COG5: variants seen among roughly 807,000 people sequenced by gnomAD.
COG5 encodes the protein conserved oligomeric Golgi complex subunit 5.
COG5 carries 86 observed loss-of-function variants against 110.4 expected under a neutral mutation model. That is an observed-to-expected ratio of 0.78 (90% CI 0.65 to 0.93). The LOEUF is 0.93. Ranked by LOEUF, COG5 falls within the 40% of genes least tolerant of loss-of-function variation. The probability of loss-of-function intolerance (pLI) is 0.00; values close to 1 mark genes in which losing one functional copy is unlikely to be tolerated. For missense variants in COG5, 1,077 were observed against 987.0 expected, an observed-to-expected ratio of 1.09 and a Z score of -1.22; for synonymous variants, 360 against 334.6, an observed-to-expected ratio of 1.08 and a Z score of -0.83.
At chr7:107,297,442 CCTT>C (rs1806847847) in intron 12 of COG5, among the ~76,000 whole-genome samples, 1 of 99,642 alleles carries the variant, frequency 1.0e-5, no homozygotes, top group African/African-American at 4.0e-5. Context: ...GTACATTCTG[CCTT>C]TTTTTTTTTT....
intron 10 of COG5, among the ~76,000 whole-genome samples, chr7:107,344,320 T>A (rs758081494): frequency 3.3e-5 from 5 of 152,204 alleles, no homozygotes; most frequent in Non-Finnish European, 5.9e-5. Context: ...GAGTAGCTTT[T>A]TTCCCTTAAA....
chr7:107,493,124 G>A (rs191223050), intron 6 of COG5, among the ~76,000 whole-genome samples: 99 of 152,206 alleles, frequency 6.5e-4, no homozygotes, highest in African/African-American at 2.3e-3. Flanking sequence ...TCTCACTTCT[G>A]CTCTTATCCC....
chr7:107,349,747 C>CG (rs200699607), intron 10 of COG5, among the ~76,000 whole-genome samples: 1,573 of 152,196 alleles, frequency 0.01, 13 homozygotes, highest in African/African-American at 0.036. Flanking sequence ...TCAGTAGACA[C>CG]GGGGGTTTCA....
intron 19 of COG5, among the ~76,000 whole-genome samples, chr7:107,228,340 T>C (rs936281135): frequency 2.7e-5 from 4 of 149,664 alleles, no homozygotes; most frequent in Non-Finnish European, 4.4e-5. Context: ...AATCTTCCTA[T>C]AGCAATGCTA....
In COG5 at chr7:107,323,816, C is replaced by A. The variant is rs1022194666; in HGVS notation, c.1108+624G>T. Among the ~76,000 whole-genome samples, 7 of 152,214 alleles carry A rather than the reference C, an allele frequency of 4.6e-5. 1 individual carries two copies. The South Asian group carries it at 1.4e-3, about 32-fold the overall frequency. Reference sequence around the variant, plus strand: ...TTTAAATAGAAATGAACTCTTAACACTTTTTAAAGGCCTAGGTACATTATA... The same window carrying A: ...TTTAAATAGAAATGAACTCTTAACAATTTTTAAAGGCCTAGGTACATTATA... On this transcript the variant is annotated intron_variant, in intron 11 of 21. Coordinates refer to ENST00000297135, the MANE Select transcript of COG5 (RefSeq NM_006348.5).
chr7:107,286,028 T>A (rs1805597934), intron 12 of COG5, among the ~76,000 whole-genome samples: 2 of 152,204 alleles, frequency 1.3e-5, no homozygotes, highest in South Asian at 4.1e-4. Flanking sequence ...TAAGTCTTTT[T>A]TCCTTTTCCA....
chr7:107,501,615 G>A (rs1468114922), intron 6 of COG5, among the ~76,000 whole-genome samples: 1 of 152,144 alleles, frequency 6.6e-6, no homozygotes, highest in Non-Finnish European at 1.5e-5. Context: ...AATGTGGTAT[G>A]AGTATTACCT....
chr7:107,467,644 A>G (rs1796378044), intron 6 of COG5, among the ~76,000 whole-genome samples: 1 of 152,086 alleles, frequency 6.6e-6, no homozygotes, highest in South Asian at 2.1e-4. Flanking sequence ...GAGCCACTGC[A>G]CCCGGTCTGT....
At chr7:107,357,301 T>C (rs1343222406) in intron 10 of COG5, among the ~76,000 whole-genome samples, 1 of 152,198 alleles carries the variant, frequency 6.6e-6, no homozygotes, top group Non-Finnish European at 1.5e-5. Context: ...TCTCTTGCTC[T>C]GGAATTCCCA....
At chr7:107,288,353 C>A (rs1805823508) in intron 12 of COG5, among the ~76,000 whole-genome samples, 2 of 152,202 alleles carry the variant, frequency 1.3e-5, no homozygotes, top group South Asian at 2.1e-4. Context: ...CAGAACGAGA[C>A]CCAGTTTCAA....
intron 10 of COG5, among the ~76,000 whole-genome samples, chr7:107,352,432 A>C (rs925900692): frequency 1.1e-4 from 17 of 151,522 alleles, no homozygotes; most frequent in Admixed American, 9.9e-4. Flanking sequence ...CACGTTGTGT[A>C]CATGTACCCT....
chr7:107,502,784 C>A (rs1798715996), intron 6 of COG5, among the ~76,000 whole-genome samples: 1 of 152,000 alleles, frequency 6.6e-6, no homozygotes, highest in African/African-American at 2.4e-5. Context: ...AACATTTTTT[C>A]ATATGTTTCT....
At chr7:107,486,453 T>C (rs972632015) in intron 6 of COG5, among the ~76,000 whole-genome samples, 3 of 151,498 alleles carry the variant, frequency 2.0e-5, no homozygotes, top group Admixed American at 1.3e-4. Context: ...ATTGCAGCAA[T>C]GTCTTCATAT....
chr7:107,514,814 A>G (rs1799803201), intron 6 of COG5, among the ~76,000 whole-genome samples: 1 of 152,212 alleles, frequency 6.6e-6, no homozygotes, highest in African/African-American at 2.4e-5. Context: ...AAGTTTTATG[A>G]TAAAAGAATG....
intron 2 of COG5, among the ~76,000 whole-genome samples, chr7:107,556,669 C>T (rs1463851918): frequency 6.6e-6 from 1 of 152,196 alleles, no homozygotes; most frequent in Non-Finnish European, 1.5e-5. Context: ...CTGTCTGTGT[C>T]TGCCACTGGT....
At chr7:107,417,006 A>G (rs1049437668) in intron 6 of COG5, among the ~76,000 whole-genome samples, 1 of 152,230 alleles carries the variant, frequency 6.6e-6, no homozygotes, top group African/African-American at 2.4e-5. Flanking sequence ...GCAATATCTC[A>G]GAAATTTATG....
At chr7:107,230,557 C>T (rs894956932) in intron 19 of COG5, 58 bp downstream of exon 19, 1 of 1,305,774 alleles carries the variant, frequency 7.7e-7, no homozygotes, top group South Asian at 1.2e-5. Context: ...TCAACCTGCA[C>T]AGAAAGGATT....
intron 6 of COG5, among the ~76,000 whole-genome samples, chr7:107,420,070 T>C (rs757700150): frequency 9.9e-5 from 15 of 152,238 alleles, no homozygotes; most frequent in Admixed American, 3.9e-4. Context: ...TTAAAAGTTA[T>C]TTCTTACAAA....
chr7:107,512,322 A>G (rs1799581581), intron 6 of COG5, among the ~76,000 whole-genome samples: 1 of 152,198 alleles, frequency 6.6e-6, no homozygotes, highest in African/African-American at 2.4e-5. Context: ...TAAAATACCT[A>G]GGAATCTAAC....
Sources: allele counts gnomAD v4.1 joint callset (sites outside exome capture counted in the v4.1 genomes callset), GRCh38; gene constraint gnomAD v4.1.1; transcripts MANE v1.5; gene names NCBI Gene and HGNC (gene_info 2026-07-23, HGNC 2026-07-21).